The following TCERG1 variants were observed in gnomAD, a reference collection of about 807,000 sequenced individuals.
TCERG1 encodes the protein transcription elongation regulator 1.
A neutral mutation model predicts 144.7 loss-of-function variants in TCERG1; 37 were observed. That is an observed-to-expected ratio of 0.26 (90% CI 0.20 to 0.34). The LOEUF (loss-of-function observed/expected upper bound fraction) is 0.34. Among genes scored for constraint, TCERG1 ranks in the 10% least tolerant of loss-of-function variants. TCERG1 has a pLI of 1.00. For synonymous variants in TCERG1, 492 were observed against 458.2 expected (o/e 1.07, Z -0.94); for missense variants, 1,027 against 1,380.7 (o/e 0.74, Z 4.06).
At chr5:146,506,901 T>G (rs1768053227) in intron 19 of TCERG1, 127 bp from the exon 20 acceptor site, 3 of 671,694 alleles carry the variant, frequency 4.5e-6, no homozygotes, top group African/African-American at 1.9e-5. Flanking sequence ...TCCATGTATC[T>G]GTTGATAGAC....
chr5:146,468,143 A>G (rs978912137), intron 5 of TCERG1, among the ~76,000 whole-genome samples, 198 bp from the exon 6 acceptor site: 1 of 152,200 alleles, frequency 6.6e-6, no homozygotes, highest in African/African-American at 2.4e-5. Flanking sequence ...AATTGATGGT[A>G]TCATTTAGAA....
At chr5:146,509,412 C>CTTTT (rs375876511) in intron 22 of TCERG1, among the ~76,000 whole-genome samples, 167 bp downstream of exon 22, 2 of 140,662 alleles carry the variant, frequency 1.4e-5, no homozygotes, top group Admixed American at 7.1e-5. Flanking sequence ...ATCTACCATA[C>CTTTT]TTTTTTTTTT....
upstream of TCERG1, chr5:146,447,330 G>A (rs942897899): frequency 1.9e-6 from 3 of 1,610,422 alleles, no homozygotes; most frequent in Non-Finnish European, 2.5e-6. Flanking sequence ...TCGGCGGGTG[G>A]ATGAACGCGG....
At chr5:146,486,432 A>G (rs1249886205) in intron 15 of TCERG1, among the ~76,000 whole-genome samples, 2 of 152,230 alleles carry the variant, frequency 1.3e-5, no homozygotes, top group Admixed American at 6.5e-5. Context: ...ACAAATTTTA[A>G]TTGAATAACA....
intron 7 of TCERG1, among the ~76,000 whole-genome samples, chr5:146,470,090 C>A (rs944497293): frequency 6.6e-6 from 1 of 151,998 alleles, no homozygotes; most frequent in African/African-American, 2.4e-5. Context: ...TATATGTGTT[C>A]TGAAGAAAAA....
intron 17 of TCERG1, among the ~76,000 whole-genome samples, chr5:146,502,438 A>G (rs568691256): frequency 6.6e-6 from 1 of 152,184 alleles, no homozygotes; most frequent in African/African-American, 2.4e-5. Context: ...AGTAGTATAC[A>G]TGGGATTAAA....
chr5:146,501,887 CTTTTTTTTTTTTTT>C (rs70998087), intron 17 of TCERG1, among the ~76,000 whole-genome samples: 1 of 73,416 alleles, frequency 1.4e-5, no homozygotes, highest in Non-Finnish European at 2.6e-5. Context: ...ATCAACTTCA[CTTTTTTTTTTTTTT>C]TTTTTTTTTT....
At chr5:146,481,072 C>T (rs1027920909) in intron 12 of TCERG1, 78 bp from the exon 13 acceptor site, 14 of 648,394 alleles carry the variant, frequency 2.2e-5, no homozygotes, top group Admixed American at 6.4e-5. Flanking sequence ...GATGTTCCTA[C>T]GATGTTAAAC....
At chr5:146,463,863 T>G in intron 5 of TCERG1, 70 bp downstream of exon 5, 1 of 1,584,330 alleles carries the variant, frequency 6.3e-7, no homozygotes, top group Non-Finnish European at 8.6e-7. Context: ...TTCTCATGTG[T>G]CTGTTGCGTT....
chr5:146,509,874 A>T (rs1674095921), intron 22 of TCERG1, among the ~76,000 whole-genome samples: 1 of 152,206 alleles, frequency 6.6e-6, no homozygotes, highest in African/African-American at 2.4e-5. Flanking sequence ...TTCATGCTCC[A>T]GCTTTTCTTC....
intron 17 of TCERG1, among the ~76,000 whole-genome samples, chr5:146,501,004 C>CA (rs56318938): frequency 0.025 from 3,293 of 132,366 alleles, 116 homozygotes; most frequent in African/African-American, 0.082. Context: ...GGGATTCTTT[C>CA]AAAAAAAAAA....
At chr5:146,480,216 AG>A (rs1765226190) in intron 12 of TCERG1, 122 bp downstream of exon 12, 4 of 629,930 alleles carry the variant, frequency 6.3e-6, no homozygotes. Flanking sequence ...TTGCTCTCTT[AG>A]GCCTGATAAT....
chr5:146,453,453 T>G (rs907008286), intron 1 of TCERG1, among the ~76,000 whole-genome samples: 6 of 152,246 alleles, frequency 3.9e-5, no homozygotes, highest in African/African-American at 1.4e-4. Flanking sequence ...CTTTTTACCC[T>G]TCAATACTTC....
At chr5:146,502,792 G>A (rs1052592115) in intron 17 of TCERG1, among the ~76,000 whole-genome samples, 1 of 151,986 alleles carries the variant, frequency 6.6e-6, no homozygotes, top group African/African-American at 2.4e-5. Context: ...CACATATCAA[G>A]GTGTACAGCT....
chr5:146,455,374 T>C (rs1456171337), intron 2 of TCERG1, 93 bp downstream of exon 2: 1 of 1,393,192 alleles, frequency 7.2e-7, no homozygotes, highest in African/African-American at 1.5e-5. Flanking sequence ...TTAAATAGTT[T>C]CAGTTTATAG....
intron 1 of TCERG1, among the ~76,000 whole-genome samples, chr5:146,454,037 CA>C (rs56657111): frequency 0.14 from 17,084 of 126,472 alleles, 1,216 homozygotes; most frequent in East Asian, 0.63. Flanking sequence ...TACTCAAATA[CA>C]AAAAAAAAAA....
chr5:146,487,003 T>C lies in TCERG1; in HGVS notation c.2163+3374T>C, dbSNP rs1243527132. Among the ~76,000 whole-genome samples, 4 of 152,108 alleles carry C rather than the reference T, an allele frequency of 2.6e-5. No individual in the cohort carries two copies. In the East Asian group the frequency reaches 7.7e-4, roughly 29 times the overall value. On this transcript the variant is annotated intron_variant, in intron 15 of 22. Coordinates refer to ENST00000679501, the MANE Select transcript of TCERG1 (RefSeq NM_001382548.1). ...TAGTTAGGTGGCTGAGGCACAAGAA[T>C]TGCTTGAATCCAGGAAGTGGAGGTT...
chr5:146,469,688 A>G lies in TCERG1; in HGVS notation c.1343A>G (p.Tyr448Cys). ...ACAGCAGATGGGAAGACATATTATT[A>G]TAATAATAGAACATTAGAATCAACC... ...YKTADGKTYY[Y>C]NNRTLESTWE... The change falls in exon 7 of 23, where the codon TAT (tyrosine) becomes TGT (cysteine). Residue 448 changes from tyrosine to cysteine, a missense_variant. By Grantham distance (194) the Tyr-to-Cys change is radical. Coordinates refer to ENST00000679501, the MANE Select transcript of TCERG1 (RefSeq NM_001382548.1). The G allele has an allele frequency of 1.2e-6, 2 of 1,612,722 alleles. No homozygotes were observed. The highest frequency in any genetic ancestry group is 1.7e-6 in the Non-Finnish European group (2 of 1,179,222).
At chr5:146,485,338 T>C (rs1014930303) in intron 15 of TCERG1, among the ~76,000 whole-genome samples, 1 of 152,226 alleles carries the variant, frequency 6.6e-6, no homozygotes, top group African/African-American at 2.4e-5. Flanking sequence ...TCTAATTGTA[T>C]AAAATTATGT....
Sources: gnomAD v4.1 joint callset for allele counts (sites outside exome capture counted in the v4.1 genomes callset) on GRCh38, gnomAD v4.1.1 for gene constraint, MANE v1.5 for transcripts, NCBI Gene and HGNC (gene_info 2026-07-23, HGNC 2026-07-21) for gene names.